The following RNF126 variants were observed in gnomAD, a reference collection of about 807,000 sequenced individuals.
RNF126 encodes E3 ubiquitin-protein ligase RNF126.
In RNF126, 20 loss-of-function variants were observed where a neutral mutation model predicts 41.9. That is an observed-to-expected ratio of 0.48 (90% CI 0.34 to 0.69). RNF126 has a LOEUF of 0.69. RNF126 is among the 30% of genes least tolerant of loss of function. The pLI, the probability that RNF126 is intolerant of heterozygous loss-of-function variation, is 0.01. For synonymous variants in RNF126, 239 were observed against 202.9 expected (o/e 1.18, Z -1.51); for missense variants, 433 against 460.6 (o/e 0.94, Z 0.55).
chr19:653,998 T>G (rs2030447839), intron 1 of RNF126, among the ~76,000 whole-genome samples: 1 of 151,952 alleles, frequency 6.6e-6, no homozygotes, highest in Non-Finnish European at 1.5e-5. Flanking sequence ...GGCTGTTCAG[T>G]CTTCGCAGGG....
At chr19:656,864 C>T (rs1471107497) in intron 1 of RNF126, among the ~76,000 whole-genome samples, 1 of 152,208 alleles carries the variant, frequency 6.6e-6, no homozygotes, top group African/African-American at 2.4e-5. Flanking sequence ...TGGTTTCTGC[C>T]GGTGTCGGGT....
intron 1 of RNF126, among the ~76,000 whole-genome samples, chr19:653,395 C>G (rs1444603023): frequency 6.6e-6 from 1 of 152,232 alleles, no homozygotes; most frequent in Non-Finnish European, 1.5e-5. Flanking sequence ...AACACAAGGC[C>G]AACATGGTGA....
chr19:657,274 G>A (rs999701768), intron 1 of RNF126, among the ~76,000 whole-genome samples: 3 of 152,190 alleles, frequency 2.0e-5, no homozygotes, highest in Non-Finnish European at 1.5e-5. Flanking sequence ...GCGCTCGGCC[G>A]CTCTGGTCCC....
At chr19:648,310 G>C in intron 8 of RNF126, 33 bp from the exon 9 acceptor site, 3 of 1,542,508 alleles carry the variant, frequency 1.9e-6, no homozygotes, top group Non-Finnish European at 2.6e-6. Context: ...ACGGGAGAAG[G>C]GGCAGGTTAG....
chr19:658,313 C>A (rs368332176), intron 1 of RNF126, among the ~76,000 whole-genome samples: 1 of 152,006 alleles, frequency 6.6e-6, no homozygotes, highest in African/African-American at 2.4e-5. Flanking sequence ...CAGGGCCAGG[C>A]GCATGGAGGG....
intron 5 of RNF126, 43 bp downstream of exon 5, chr19:650,191 G>A (rs2030206000): frequency 2.0e-6 from 3 of 1,488,704 alleles, no homozygotes; most frequent in Non-Finnish European, 1.8e-6. Context: ...CACTCACCAG[G>A]GACCCAGGCT....
At chr19:652,600 G>A in intron 2 of RNF126, 1 of 608,698 alleles carries the variant, frequency 1.6e-6, no homozygotes, top group Middle Eastern at 4.4e-4. Context: ...GCTGAGGGAG[G>A]TGAGCGGCTG....
At position 658,214 on chromosome 19, in the gene RNF126, G is replaced by A. The variant is rs2030642386; in HGVS notation, c.75+4833C>T. Among the ~76,000 whole-genome samples the A allele has an allele frequency of 2.6e-5, 4 of 152,246 alleles. No homozygotes were observed. In the South Asian group the frequency reaches 6.2e-4, roughly 24 times the overall value. On this transcript the variant is annotated intron_variant, in intron 1 of 8. Transcript: ENST00000292363. ...GGCTCCACCCATGCACCCCTGCAGC[G>A]TGATGGCCTCATCCCCGGGTGGGAC...
Position 648,331 on chromosome 19 carries a change from G to A in RNF126, c.786+41C>T, listed in dbSNP as rs1270932443. ...GAAGGGGCAGGTTAGAGGCGGGAGG[G>A]CCGCGGTCGGGGTGGGGGGGCGGGT... On this transcript the variant is annotated intron_variant, in intron 8 of 8. Coordinates refer to ENST00000292363, the MANE Select transcript of RNF126 (RefSeq NM_194460.3). 10 of 1,523,018 alleles carry A rather than the reference G, an allele frequency of 6.6e-6. No homozygotes were observed. The African/African-American group carries it at 1.1e-4, about 17-fold the overall frequency. 94.3% of individuals were successfully genotyped at this position (1,523,018 alleles called of 1,614,324 possible).
intron 1 of RNF126, among the ~76,000 whole-genome samples, chr19:655,883 G>T (rs542557624): frequency 2.0e-5 from 3 of 151,530 alleles, no homozygotes; most frequent in African/African-American, 7.2e-5. Context: ...GGCCACGGCG[G>T]GGGGGAGGGG....
At position 659,222 on chromosome 19, in the gene RNF126, G is replaced by C. The variant is rs1009181086; in HGVS notation, c.75+3825C>G. On this transcript the variant is annotated intron_variant, in intron 1 of 8. Transcript: ENST00000292363. The surrounding 1 kb of genome is among the most constrained non-coding windows in gnomAD (Gnocchi z 4.9). ...AGACAGACCCAGGCCGTCTTCTGAA[G>C]ACTCGGGCCAGGCCGCCGCAGGGAC... 6.6e-6 allele frequency among the ~76,000 whole-genome samples: 1 copy of C among 152,170 alleles called. No individual in the cohort carries two copies. The highest frequency in any genetic ancestry group is 1.5e-5 in the Non-Finnish European group (1 of 68,014).
intron 1 of RNF126, among the ~76,000 whole-genome samples, chr19:654,831 G>C (rs906642967): frequency 9.2e-5 from 14 of 151,808 alleles, no homozygotes; most frequent in African/African-American, 3.4e-4. Flanking sequence ...GCCAGGCGTG[G>C]TGGCACGTAC....
At position 648,789 on chromosome 19, in the gene RNF126, T is replaced by A. The variant is rs1462281030; in HGVS notation, c.670+93A>T. 4 of 805,304 alleles carry A rather than the reference T, an allele frequency of 5.0e-6. No homozygotes were observed. In the East Asian group the frequency reaches 1.1e-4, roughly 22 times the overall value. 49.9% of individuals were successfully genotyped at this position (805,304 alleles called of 1,614,324 possible). On this transcript the variant is annotated intron_variant, in intron 7 of 8. Transcript: ENST00000292363. Reference sequence around the variant, plus strand: ...TTCGAGACCTGCCTGACCAACATGGTGAAACCCTGTCTCTACTGAAAATAC... The same window carrying A: ...TTCGAGACCTGCCTGACCAACATGGAGAAACCCTGTCTCTACTGAAAATAC...
In RNF126 at chr19:652,311, C is replaced by A; in HGVS notation, c.135-15G>T. 1 of 1,553,408 alleles carries A rather than the reference C, an allele frequency of 6.4e-7. No homozygotes were observed. Among genetic ancestry groups the A allele is most frequent in the Admixed American group, 2.2e-5 (1 of 46,138 alleles). On this transcript the variant is annotated splice_polypyrimidine_tract_variant and intron_variant, in intron 2 of 8. Coordinates refer to ENST00000292363, the MANE Select transcript of RNF126 (RefSeq NM_194460.3). Reference sequence around the variant, plus strand: ...TTTCTGTGCTCCTGGGGAGAGAGTGCAGGTCAGCAGTGCCGGCTACCCTGT... The same window carrying A: ...TTTCTGTGCTCCTGGGGAGAGAGTGAAGGTCAGCAGTGCCGGCTACCCTGT...
Position 647,999 on chromosome 19 carries a change from A to C in RNF126, c.*129T>G. The C allele has an allele frequency of 5.3e-6, 6 of 1,128,046 alleles. No individual in the cohort carries two copies. Among genetic ancestry groups the C allele is most frequent in the Non-Finnish European group, 7.3e-6 (6 of 820,396 alleles). The allele number at this position is 1,128,046 out of a possible 1,614,324, so 69.9% of individuals were successfully genotyped here. On this transcript the variant is annotated 3_prime_UTR_variant, in exon 9 of 9. Transcript: ENST00000292363. ...GGCCGGGCCCGGGTCCTGCCCTGGAACAGGCGGGACCTGCAGCGCTGACCA... is the reference window on the plus strand; with the variant it reads ...GGCCGGGCCCGGGTCCTGCCCTGGACCAGGCGGGACCTGCAGCGCTGACCA...
intron 1 of RNF126, among the ~76,000 whole-genome samples, chr19:654,982 T>C (rs1357914343): frequency 6.8e-6 from 1 of 146,770 alleles, no homozygotes. Context: ...AAAAAAAAAG[T>C]GCTTACAACT....
Position 649,066 on chromosome 19 carries a change from G to A in RNF126, c.577-91C>T, listed in dbSNP as rs570944479. ...AGGCTGCAGGACCTGCAAAAGCACC[G>A]AGGCCGCGTTTGTCCTGGGCCCTGG... On this transcript the variant is annotated intron_variant, in intron 6 of 8. Coordinates refer to ENST00000292363, the MANE Select transcript of RNF126 (RefSeq NM_194460.3). The A allele has an allele frequency of 3.1e-5, 19 of 606,496 alleles. No homozygotes were observed. The South Asian group carries it at 4.6e-4, about 15-fold the overall frequency. The allele number at this position is 606,496 out of a possible 1,614,324, so 37.6% of individuals were successfully genotyped here.
In RNF126 at chr19:648,945, G is replaced by C. The variant is rs1176499565; in HGVS notation, c.607C>G (p.Pro203Ala). Residue 203 changes from proline to alanine, a missense_variant, in exon 7 of 9, where the codon CCA becomes GCA. Transcript: ENST00000292363. The part of the protein sequence containing the change: ...LLNQFENTGP[P>A]PADKEKIQAL... ...TGGATTTTCTCTTTATCTGCCGGTG[G>C]GGGGCCTGTGTTTTCAAACTGATTG... 7.0e-7 allele frequency: 1 copy of C among 1,431,504 alleles called. No individual in the cohort carries two copies. The highest frequency in any genetic ancestry group is 1.5e-5 in the African/African-American group (1 of 68,450). The allele number at this position is 1,431,504 out of a possible 1,614,324, so 88.7% of individuals were successfully genotyped here.
chr19:651,472 G>A, intron 4 of RNF126, 139 bp downstream of exon 4: 1 of 810,380 alleles, frequency 1.2e-6, no homozygotes, highest in South Asian at 2.7e-5. Context: ...ACAGGGGGCT[G>A]GAGGGCCTGG....
Sources: allele counts gnomAD v4.1 joint callset (sites outside exome capture counted in the v4.1 genomes callset), GRCh38; gene constraint gnomAD v4.1.1; non-coding constraint Gnocchi (gnomAD v3.1); transcripts MANE v1.5; gene names NCBI Gene and HGNC (gene_info 2026-07-23, HGNC 2026-07-21).